Variants in STEAP2 observed in about 807,000 individuals in gnomAD.
The protein encoded by STEAP2 is metalloreductase STEAP2.
Under a neutral mutation model 46.4 loss-of-function variants are expected in STEAP2, and 30 were observed. The ratio of observed to expected loss-of-function variants is 0.65; its 90% confidence interval spans 0.48 to 0.88. The LOEUF (loss-of-function observed/expected upper bound fraction) is 0.88, where lower values mean the gene tolerates loss of function less well. STEAP2 is among the 40% of genes least tolerant of loss of function. STEAP2 has a pLI of 0.00. For missense variants in STEAP2, 513 were observed against 579.3 expected, an observed-to-expected ratio of 0.89 and a Z score of 1.18; for synonymous variants, 180 against 200.5, an observed-to-expected ratio of 0.90 and a Z score of 0.86.
rs774359211 is a variant in STEAP2, at chr7:90,226,958, G to T, written c.493-13G>T. On this transcript the variant is annotated splice_polypyrimidine_tract_variant and intron_variant, in intron 3 of 5. Transcript: ENST00000394621. ...AACAATGGTAATGCTGAGTCTTTTT[G>T]TTTTTTCCACAGGTTTATATATGCA... The T allele has an allele frequency of 1.9e-6, 3 of 1,547,234 alleles. No homozygotes were observed. Among genetic ancestry groups the T allele is most frequent in the South Asian group, 1.3e-5 (1 of 78,526 alleles).
At chr7:90,213,863 A>T (rs993660861) in intron 1 of STEAP2, 3 of 152,250 alleles carry the variant, frequency 2.0e-5, no homozygotes, top group Admixed American at 2.0e-4. Flanking sequence ...CTCCCAAGGT[A>T]CATAAAGTGG....
chr7:90,236,191 CCA>C lies in STEAP2; in HGVS notation c.*3568_*3569del, dbSNP rs1446084980. On this transcript the variant is annotated 3_prime_UTR_variant, in exon 6 of 6. Coordinates refer to ENST00000394621, the MANE Select transcript of STEAP2 (RefSeq NM_001244944.2). ...ATAATAAATTCTGTACAGTTTCCCC[CCA>C]AAAAAGAGATTTATTTATGAAATAT... 2.6e-6 allele frequency: 2 copies of C among 772,758 alleles called. No individual in the cohort carries two copies. The highest frequency in any genetic ancestry group is 2.6e-4 in the East Asian group (2 of 7,656). The allele number at this position is 772,758 out of a possible 1,614,324, so 47.9% of individuals were successfully genotyped here.
intron 3 of STEAP2, 32 bp downstream of exon 3, chr7:90,225,606 C>T (rs1795455718): frequency 6.5e-7 from 1 of 1,527,002 alleles, no homozygotes; most frequent in African/African-American, 1.4e-5. Context: ...TCTTATGTAT[C>T]TGGTATTTTG....
downstream of STEAP2, among the ~76,000 whole-genome samples, chr7:90,238,824 A>G (rs556720274): frequency 3.9e-5 from 6 of 152,328 alleles, no homozygotes; most frequent in East Asian, 1.2e-3. Context: ...TGAGAAAGTC[A>G]GGCACGGGAC....
chr7:90,227,263 T>A lies in STEAP2; in HGVS notation c.785T>A (p.Val262Asp), dbSNP rs763460205. Reference protein sequence around the residue: ...IEIVNKTLPIVAITLLSLVYL... With the variant: ...IEIVNKTLPIDAITLLSLVYL... ...ATTGTGAATAAAACCTTACCTATAG[T>A]TGCCATTACTTTGCTCTCCCTAGTA... Residue 262 changes from valine (V) to aspartate (D), a missense_variant, in exon 4 of 6, where the codon GTT (valine) becomes GAT (aspartate). Transcript: ENST00000394621. 3.1e-6 allele frequency: 5 copies of A among 1,613,776 alleles called. No individual in the cohort carries two copies. The South Asian group carries it at 5.5e-5, about 18-fold the overall frequency.
At chr7:90,240,091 G>A (rs141805438), downstream of STEAP2, among the ~76,000 whole-genome samples, 835 of 152,136 alleles carry the variant, frequency 5.5e-3, 5 homozygotes, top group African/African-American at 0.019. The surrounding 1 kb of genome is among the most constrained non-coding windows in gnomAD (Gnocchi z 4.1). Flanking sequence ...GGGCAATATG[G>A]TGAAACCCCA....
intron 1 of STEAP2, chr7:90,216,055 G>C (rs571847680): frequency 2.0e-5 from 3 of 152,212 alleles, no homozygotes; most frequent in Admixed American, 6.6e-5. Context: ...GATTACAGAC[G>C]TGAGCCACCA....
Position 90,232,603 on chromosome 7 carries a change from G to GGA in STEAP2, c.1456_1457dup (p.Val487GlyfsTer4). Reference sequence around the variant, plus strand: ...GAGGAACAATTCCTCATGTCTCCCCGGAGAGGGTCACAGTAATGTGATGAC... The same window carrying GGA: ...GAGGAACAATTCCTCATGTCTCCCCGGAGAGAGGGTCACAGTAATGTGATGAC... On this transcript the variant is annotated frameshift_variant, in exon 6 of 6. Coordinates refer to ENST00000394621, the MANE Select transcript of STEAP2 (RefSeq NM_001244944.2). The GGA allele has an allele frequency of 6.2e-7, 1 of 1,611,778 alleles. No individual in the cohort carries two copies. The highest frequency in any genetic ancestry group is 8.5e-7 in the Non-Finnish European group (1 of 1,178,702).
At chr7:90,214,640 C>A (rs559999039) in intron 1 of STEAP2, among the ~76,000 whole-genome samples, 12 of 151,962 alleles carry the variant, frequency 7.9e-5, no homozygotes, top group Non-Finnish European at 1.2e-4. Flanking sequence ...AGCTGAGGAT[C>A]TTTTTAAGGG....
At position 90,214,107 on chromosome 7, in the gene STEAP2, T is replaced by C. The variant is rs557315932; in HGVS notation, c.-147+2062T>C. On this transcript the variant is annotated intron_variant, in intron 1 of 5. Transcript: ENST00000394621. ...GTTTGGAAAGGGTCAAAAGAGAAAG[T>C]AGGCTGACCCATTAGGAAATGTTTG... 2.0e-4 allele frequency among the ~76,000 whole-genome samples: 30 copies of C among 152,302 alleles called. 1 individual carries two copies. In the South Asian group the frequency reaches 4.4e-3, roughly 22 times the overall value.
At chr7:90,238,794 CAA>C (rs1176097305), downstream of STEAP2, among the ~76,000 whole-genome samples, 4 of 152,198 alleles carry the variant, frequency 2.6e-5, no homozygotes, top group East Asian at 1.9e-4. Flanking sequence ...GGAAGTGAAA[CAA>C]GAGACAAATG....
chr7:90,242,925 C>T (rs944435684), downstream of STEAP2, among the ~76,000 whole-genome samples: 3 of 152,100 alleles, frequency 2.0e-5, no homozygotes, highest in Non-Finnish European at 4.4e-5. Context: ...GGAGAGGGGT[C>T]AACAGTGTAA....
chr7:90,235,268 T>A lies in STEAP2; in HGVS notation c.*2644T>A. ...TGTTTCAAATGGCACTATCTTCTTTTCAGTACTACAAAAACAGAATAATTT... is the reference window on the plus strand; with the variant it reads ...TGTTTCAAATGGCACTATCTTCTTTACAGTACTACAAAAACAGAATAATTT... On this transcript the variant is annotated 3_prime_UTR_variant, in exon 6 of 6. Transcript: ENST00000394621. 1 of 979,450 alleles carries A rather than the reference T, an allele frequency of 1.0e-6. No individual in the cohort carries two copies. Among genetic ancestry groups the A allele is most frequent in the Non-Finnish European group, 1.2e-6 (1 of 824,292 alleles). The allele number at this position is 979,450 out of a possible 1,614,324, so 60.7% of individuals were successfully genotyped here.
rs1375809580 is a variant in STEAP2, at chr7:90,236,870, C to T, written c.*4246C>T. On this transcript the variant is annotated 3_prime_UTR_variant, in exon 6 of 6. Transcript: ENST00000394621. ...AAATTGCCAACTTTAAGGAAATATT[C>T]TCTTGAAATTGTCTTTAAAGATCTT... is the stretch of plus-strand genomic sequence containing the variant. 1 of 1,613,180 alleles carries T rather than the reference C, an allele frequency of 6.2e-7. No individual in the cohort carries two copies. The highest frequency in any genetic ancestry group is 1.7e-5 in the Admixed American group (1 of 59,884).
At chr7:90,214,521 T>C (rs1230180319) in intron 1 of STEAP2, among the ~76,000 whole-genome samples, 1 of 152,146 alleles carries the variant, frequency 6.6e-6, no homozygotes, top group African/African-American at 2.4e-5. Flanking sequence ...AGCTCAGTTT[T>C]CTGGTTTTTC....
At chr7:90,239,213 G>C (rs1584258717), downstream of STEAP2, among the ~76,000 whole-genome samples, 2 of 152,160 alleles carry the variant, frequency 1.3e-5, no homozygotes, top group African/African-American at 4.8e-5. Context: ...AATCCAGTAT[G>C]ACTGGTGTCC....
Position 90,235,360 on chromosome 7 carries a change from G to A in STEAP2, c.*2736G>A. The A allele has an allele frequency of 1.0e-6, 1 of 957,092 alleles. No homozygotes were observed. The highest frequency in any genetic ancestry group is 1.8e-5 in the African/African-American group (1 of 56,784). The allele number at this position is 957,092 out of a possible 1,614,324, so 59.3% of individuals were successfully genotyped here. ...AATGTTTAAATGCTTTTCTAAAAATGCAAAACTATGATGTTTAGTTGCTTT... is the reference window on the plus strand; with the variant it reads ...AATGTTTAAATGCTTTTCTAAAAATACAAAACTATGATGTTTAGTTGCTTT... On this transcript the variant is annotated 3_prime_UTR_variant, in exon 6 of 6. Transcript: ENST00000394621.
intron 1 of STEAP2, among the ~76,000 whole-genome samples, chr7:90,214,338 A>T (rs1794932729): frequency 1.3e-5 from 2 of 152,132 alleles, no homozygotes; most frequent in South Asian, 4.1e-4. Context: ...GAATGGGACC[A>T]GCTCTGGGTG....
downstream of STEAP2, chr7:90,238,251 G>T: frequency 3.2e-6 from 2 of 621,452 alleles, no homozygotes; most frequent in South Asian, 2.0e-5. Flanking sequence ...TGTCTGTGGA[G>T]GTTCTGGCTT....
Sources: gnomAD v4.1 joint callset for allele counts (sites outside exome capture counted in the v4.1 genomes callset) on GRCh38, gnomAD v4.1.1 for gene constraint, Gnocchi (gnomAD v3.1) non-coding constraint, MANE v1.5 for transcripts, NCBI Gene and HGNC (gene_info 2026-07-23, HGNC 2026-07-21) for gene names.